Variants in GPC1 observed in about 807,000 individuals in gnomAD.
GPC1 encodes the protein glypican 1.
GPC1 carries 26 observed loss-of-function variants against 51.5 expected under a neutral mutation model. The observed-to-expected ratio is 0.50, with a 90% CI of 0.37 to 0.70. The LOEUF is 0.70. GPC1 is among the 30% of genes least tolerant of loss of function. The probability of loss-of-function intolerance (pLI) is 0.00; values close to 1 mark genes in which losing one functional copy is unlikely to be tolerated. For synonymous variants in GPC1, 380 were observed against 348.3 expected (o/e 1.09, Z -1.01); for missense variants, 775 against 800.5 (o/e 0.97, Z 0.38).
rs535987098 is a variant in GPC1, at chr2:240,449,464, T to A, written c.167-9566T>A. 60 of 185,592 alleles carry A rather than the reference T, an allele frequency of 3.2e-4. 3 individuals are homozygous for A. The East Asian group carries it at 8.5e-3, about 26-fold the overall frequency. 11.5% of individuals were successfully genotyped at this position (185,592 alleles called of 1,614,324 possible). A position where few individuals can be genotyped will look rare whatever the true frequency, so the allele number is the denominator to read the frequency against. On this transcript the variant is annotated intron_variant, in intron 1 of 8. Coordinates refer to ENST00000264039, the MANE Select transcript of GPC1 (RefSeq NM_002081.3). ...TCATTTCAAATAAGGAAATAAATGT[T>A]GAGAGTAAATATGCCCTACATATTT... is the stretch of plus-strand genomic sequence containing the variant.
At chr2:240,451,712 G>A (rs567425222) in intron 1 of GPC1, 2 of 204,354 alleles carry the variant, frequency 9.8e-6, no homozygotes, top group African/African-American at 2.4e-5. Flanking sequence ...TGAGGCCACA[G>A]CATGAGCCTC....
At chr2:240,456,708 CT>C (rs2074168182) in intron 1 of GPC1, 1 of 448,854 alleles carries the variant, frequency 2.2e-6, no homozygotes, top group Admixed American at 2.4e-5. Context: ...TCTGCTCAGC[CT>C]GGCACAGGCC....
chr2:240,452,147 G>C (rs912152395), intron 1 of GPC1: 7 of 153,234 alleles, frequency 4.6e-5, no homozygotes, highest in Admixed American at 1.3e-4. Flanking sequence ...CGCAGGACCT[G>C]GGCTGCAGGG....
intron 1 of GPC1, chr2:240,450,721 G>A (rs1372248088): frequency 1.9e-5 from 9 of 468,664 alleles, no homozygotes; most frequent in South Asian, 9.3e-5. Context: ...GCAGTGGGTC[G>A]TGTTCGCTCC....
At chr2:240,452,021 ACCGG>A (rs1384579865) in intron 1 of GPC1, 1 of 152,648 alleles carries the variant, frequency 6.6e-6, no homozygotes, top group African/African-American at 2.4e-5. Flanking sequence ...CCCATTGCAG[ACCGG>A]CCGAGAGGCC....
chr2:240,438,575 C>T (rs1288233885), intron 1 of GPC1, among the ~76,000 whole-genome samples: 1 of 152,202 alleles, frequency 6.6e-6, no homozygotes, highest in Non-Finnish European at 1.5e-5. Flanking sequence ...TGCGAACCCC[C>T]TGGGGTTGGG....
Position 240,462,433 on chromosome 2 carries a change from G to C in GPC1, c.568G>C (p.Asp190His). ...PQLLLPDDYL[D>H]CLGKQAEALR... ...GCTGCTGCTGCCTGATGACTACCTGGACTGCCTGGGCAAGCAGGCCGAGGC... is the reference window on the plus strand; with the variant it reads ...GCTGCTGCTGCCTGATGACTACCTGCACTGCCTGGGCAAGCAGGCCGAGGC... The change falls in exon 3 of 9, where the codon GAC becomes CAC. Residue 190 changes from aspartate to histidine, a missense_variant. Transcript: ENST00000264039. 6.2e-7 allele frequency: 1 copy of C among 1,606,140 alleles called. No homozygotes were observed. The highest frequency in any genetic ancestry group is 8.5e-7 in the Non-Finnish European group (1 of 1,177,024).
intron 1 of GPC1, among the ~76,000 whole-genome samples, chr2:240,449,083 C>T (rs184941463): frequency 1.3e-5 from 2 of 152,282 alleles, no homozygotes; most frequent in African/African-American, 2.4e-5. Flanking sequence ...GGGGGTGGTC[C>T]TGTCTGCCTG....
Position 240,466,163 on chromosome 2 carries a change from C to T in GPC1, c.1550C>T (p.Ala517Val), listed in dbSNP as rs2074260141. 4 of 1,612,598 alleles carry T rather than the reference C, an allele frequency of 2.5e-6. No homozygotes were observed. The highest frequency in any genetic ancestry group is 1.7e-5 in the Admixed American group (1 of 60,012). The change falls in exon 9 of 9, where the codon GCC becomes GTC. Residue 517 changes from alanine to valine, a missense_variant. Ala to Val is a moderately conservative substitution (Grantham distance 64). Coordinates refer to ENST00000264039, the MANE Select transcript of GPC1 (RefSeq NM_002081.3). ...AGCTCCCGGACGCCCTTGACCCATGCCCTCCCAGGCCTGTCAGAGCAGGAA... is the reference window on the plus strand; with the variant it reads ...AGCTCCCGGACGCCCTTGACCCATGTCCTCCCAGGCCTGTCAGAGCAGGAA... The part of the protein sequence containing the change: ...SSSSRTPLTH[A>V]LPGLSEQEGQ...
Position 240,435,695 on chromosome 2 carries a change from C to A in GPC1, c.-224C>A. The A allele has an allele frequency of 5.1e-6, 1 of 196,030 alleles. No homozygotes were observed. The highest frequency in any genetic ancestry group is 1.7e-4 in the South Asian group (1 of 5,944). 12.1% of individuals were successfully genotyped at this position (196,030 alleles called of 1,614,324 possible). On this transcript the variant is annotated 5_prime_UTR_variant, in exon 1 of 9. In the 5' UTR this introduces an upstream ATG that the reference lacks. Coordinates refer to ENST00000264039, the MANE Select transcript of GPC1 (RefSeq NM_002081.3). ...CGGGACTGCGCTAGCCCGCCGCGCT[C>A]TGGGCTGCCCGAGCGAGCGTTCGGA...
In GPC1 at chr2:240,463,423, C is replaced by T. The variant is rs1406059618; in HGVS notation, c.794C>T (p.Ala265Val). Residue 265 changes from alanine (A) to valine (V), a missense_variant, in exon 4 of 9, where the codon GCC (alanine) becomes GTC (valine). Ala to Val is a moderately conservative substitution (Grantham distance 64, BLOSUM62 0). Coordinates refer to ENST00000264039, the MANE Select transcript of GPC1 (RefSeq NM_002081.3). ...GCTCACTGCCTGGGAGTCCCCGGCG[C>T]CAGGCCCTGCCCTGACTATTGCCGA... is the stretch of plus-strand genomic sequence containing the variant. ...YCAHCLGVPGARPCPDYCRNV... is the reference protein window; with the variant it reads ...YCAHCLGVPGVRPCPDYCRNV... 6.2e-7 allele frequency: 1 copy of T among 1,612,592 alleles called. No individual in the cohort carries two copies.
Position 240,436,100 on chromosome 2 carries a change from G to C in GPC1, c.166+16G>C, listed in dbSNP as rs1026699295. On this transcript the variant is annotated intron_variant, in intron 1 of 8. Coordinates refer to ENST00000264039, the MANE Select transcript of GPC1 (RefSeq NM_002081.3). The stretch of plus-strand genomic sequence containing the variant: ...GAGATCTCGGGTGAGTGAGGGCGCG[G>C]CGCCGGGAACCCGGGCCTGGCCGGG... 5.5e-6 allele frequency: 7 copies of C among 1,273,440 alleles called. No individual in the cohort carries two copies. The highest frequency in any genetic ancestry group is 5.9e-6 in the Non-Finnish European group (6 of 1,009,526). 78.9% of individuals were successfully genotyped at this position (1,273,440 alleles called of 1,614,324 possible).
rs1365162604 is a variant in GPC1 at position 240,435,958 on chromosome 2, G to A, written c.40G>A (p.Ala14Thr). ...RARGWWLLCA[A>T]AALVACARGD... ...CCGAGGCTGGTGGCTGCTATGTGCG[G>A]CCGCAGCGCTGGTCGCCTGCGCCCG... The change falls in exon 1 of 9, where the codon GCC becomes ACC. Residue 14 changes from alanine (A) to threonine (T), a missense_variant. Ala to Thr is a moderately conservative substitution (Grantham distance 58). Transcript: ENST00000264039. The A allele has an allele frequency of 3.8e-6, 5 of 1,314,568 alleles. No homozygotes were observed. Among genetic ancestry groups the A allele is most frequent in the Non-Finnish European group, 4.8e-6 (5 of 1,032,134 alleles). The allele number at this position is 1,314,568 out of a possible 1,614,324, so 81.4% of individuals were successfully genotyped here. A position where few individuals can be genotyped will look rare whatever the true frequency, so the allele number is the denominator to read the frequency against.
chr2:240,458,006 G>A (rs577904061), intron 1 of GPC1: 13 of 469,356 alleles, frequency 2.8e-5, no homozygotes, highest in South Asian at 1.1e-4. Context: ...CCTTAGAGGC[G>A]GGGGACGAGG....
rs547405193 is a variant in GPC1 at position 240,446,035 on chromosome 2, G to A, written c.166+9951G>A. ...GAAACAAGCATCGTCCTGAGAAAGC[G>A]TCTGCGGCTTCACCAATGGGCAACG... On this transcript the variant is annotated intron_variant, in intron 1 of 8. Transcript: ENST00000264039. Among the ~76,000 whole-genome samples, 8 of 152,362 alleles carry A rather than the reference G, an allele frequency of 5.3e-5. No individual in the cohort carries two copies. In the East Asian group the frequency reaches 5.8e-4, roughly 11 times the overall value.
intron 1 of GPC1, among the ~76,000 whole-genome samples, chr2:240,439,140 C>A (rs78476550): frequency 0.055 from 8,367 of 152,214 alleles, 313 homozygotes; most frequent in Middle Eastern, 0.088. Context: ...GTCTCAGCGC[C>A]CCACCTTGGC....
chr2:240,462,944 G>T (rs1307769961), intron 3 of GPC1, among the ~76,000 whole-genome samples: 1 of 152,178 alleles, frequency 6.6e-6, no homozygotes, highest in African/African-American at 2.4e-5. Context: ...GCAGGGTGGG[G>T]CCCCAGAGCC....
intron 2 of GPC1, among the ~76,000 whole-genome samples, chr2:240,461,788 G>A (rs961150880): frequency 1.3e-5 from 2 of 152,062 alleles, no homozygotes; most frequent in Non-Finnish European, 2.9e-5. Context: ...GAGAAGGAGC[G>A]GCTGGCAGGG....
intron 1 of GPC1, among the ~76,000 whole-genome samples, chr2:240,437,160 G>A (rs2073989490): frequency 1.3e-5 from 2 of 152,134 alleles, no homozygotes; most frequent in South Asian, 2.1e-4. Context: ...CTCAGATGGG[G>A]ACTCAGCGCA....
Sources: allele counts gnomAD v4.1 joint callset (sites outside exome capture counted in the v4.1 genomes callset), GRCh38; gene constraint gnomAD v4.1.1; transcripts MANE v1.5; gene names NCBI Gene and HGNC (gene_info 2026-07-23, HGNC 2026-07-21).